UPB1: variants seen among roughly 807,000 people sequenced by gnomAD.
The protein encoded by UPB1 is beta-ureidopropionase.
A neutral mutation model predicts 49.1 loss-of-function variants in UPB1; 40 were observed. The observed-to-expected ratio is 0.81, with a 90% CI of 0.63 to 1.06. UPB1 has a LOEUF of 1.06. Among genes scored for constraint, UPB1 ranks in the 50% least tolerant of loss-of-function variants. The pLI is 0.00. For synonymous variants in UPB1, 207 were observed against 198.2 expected (o/e 1.04, Z -0.38); for missense variants, 499 against 505.9 (o/e 0.99, Z 0.13).
chr22:24,513,542 T>C, intron 5 of UPB1, 57 bp downstream of exon 5: 1 of 1,578,736 alleles, frequency 6.3e-7, no homozygotes, highest in Non-Finnish European at 8.6e-7. Context: ...CTGTATGTTG[T>C]AGATCTCTGT....
intron 2 of UPB1, 67 bp downstream of exon 2, chr22:24,500,345 C>A: frequency 1.2e-6 from 2 of 1,603,768 alleles, no homozygotes; most frequent in Admixed American, 1.7e-5. Flanking sequence ...AGCACACCTG[C>A]AGGCCCTGGC....
At chr22:24,525,638 G>A (rs1452724778) in intron 9 of UPB1, 73 bp from the exon 10 acceptor site, 1 of 1,581,490 alleles carries the variant, frequency 6.3e-7, no homozygotes, top group Non-Finnish European at 8.7e-7. Context: ...CCAGTGGCAA[G>A]AGGTGGTGGC....
intron 1 of UPB1, among the ~76,000 whole-genome samples, chr22:24,496,390 C>CAT (rs1057111477): frequency 7.2e-6 from 1 of 138,704 alleles, no homozygotes; most frequent in African/African-American, 3.0e-5. Flanking sequence ...CACACACACA[C>CAT]ACACACACAC....
In UPB1 at chr22:24,519,085, A is replaced by G. The variant is rs535964090; in HGVS notation, c.792-1302A>G. Among the ~76,000 whole-genome samples the G allele has an allele frequency of 3.7e-4, 57 of 152,338 alleles. 3 individuals carry two copies. In the South Asian group the frequency reaches 0.01, roughly 27 times the overall value. ...TATGGCAATCGCCCTGCAAGTGTCTATTTAATTCCTGAAAATGTCATTTAC... is the reference window on the plus strand; with the variant it reads ...TATGGCAATCGCCCTGCAAGTGTCTGTTTAATTCCTGAAAATGTCATTTAC... On this transcript the variant is annotated intron_variant, in intron 6 of 9. Transcript: ENST00000326010.
intron 4 of UPB1, among the ~76,000 whole-genome samples, chr22:24,511,612 A>ATTTTTTTTT (rs201206994): frequency 6.6e-5 from 6 of 90,690 alleles, no homozygotes; most frequent in South Asian, 3.4e-4. Flanking sequence ...ATATATATAT[A>ATTTTTTTTT]TATATATTTT....
In UPB1 at chr22:24,520,463, G is replaced by A; in HGVS notation, c.868G>A (p.Gly290Ser). 6.2e-7 allele frequency: 1 copy of A among 1,613,858 alleles called. No homozygotes were observed. The highest frequency in any genetic ancestry group is 8.5e-7 in the Non-Finnish European group (1 of 1,179,890). ...HCFTCAINRV[G>S]TEHFPNEFTS... ...CTTCACCTGCGCCATCAATCGAGTG[G>A]GCACCGTAAGTCCCGAGGTCTGGCT... The change falls in exon 7 of 10, where the codon GGC (glycine) becomes AGC (serine). Residue 290 changes from glycine to serine, a missense_variant. Gly to Ser is a moderately conservative substitution (Grantham distance 56). Coordinates refer to ENST00000326010, the MANE Select transcript of UPB1 (RefSeq NM_016327.3).
intron 3 of UPB1, among the ~76,000 whole-genome samples, chr22:24,507,666 G>A (rs886481523): frequency 5.3e-5 from 8 of 152,088 alleles, no homozygotes; most frequent in African/African-American, 1.9e-4. Context: ...CCGAAAAGGC[G>A]GCTTAAAGAG....
intron 4 of UPB1, among the ~76,000 whole-genome samples, chr22:24,512,806 G>T (rs1337112611): frequency 1.3e-5 from 2 of 152,120 alleles, no homozygotes; most frequent in African/African-American, 4.8e-5. Flanking sequence ...TTTGGGACTG[G>T]CTTATTTCAT....
In UPB1 at chr22:24,502,144, C is replaced by T. The variant is rs780958577; in HGVS notation, c.295C>T (p.Arg99Cys). 20 of 1,614,060 alleles carry T rather than the reference C, an allele frequency of 1.2e-5. No individual in the cohort carries two copies. Among genetic ancestry groups the T allele is most frequent in the Middle Eastern group, 1.6e-4 (1 of 6,084 alleles). Residue 99 changes from arginine (R) to cysteine (C), a missense_variant, in exon 3 of 10, where the codon CGC becomes TGC. By Grantham distance (180) the Arg-to-Cys change is radical. Coordinates refer to ENST00000326010, the MANE Select transcript of UPB1 (RefSeq NM_016327.3). ...VAEQVSALHR[R>C]IKAIVEVAAM... Reference sequence around the variant, plus strand: ...TTCTCAGGTCTCTGCCCTTCATAGACGCATAAAGGCTATCGTAGAGGTGGC... The same window carrying T: ...TTCTCAGGTCTCTGCCCTTCATAGATGCATAAAGGCTATCGTAGAGGTGGC...
At chr22:24,521,846 A>G (rs2044398776) in intron 7 of UPB1, 140 bp from the exon 8 acceptor site, 1 of 853,942 alleles carries the variant, frequency 1.2e-6, no homozygotes, top group African/African-American at 1.7e-5. Context: ...GTGAGTACAG[A>G]CCATTCCAGC....
rs140009404 is a variant in UPB1, at chr22:24,519,321, G to A, written c.792-1066G>A. On this transcript the variant is annotated intron_variant, in intron 6 of 9. Coordinates refer to ENST00000326010, the MANE Select transcript of UPB1 (RefSeq NM_016327.3). ...AAACCAGGTGCCTGCTGACACGAAG[G>A]AAGATTCCGGGGCATTTTGATCCTA... is the stretch of plus-strand genomic sequence containing the variant. Among the ~76,000 whole-genome samples the A allele has an allele frequency of 1.0e-3, 159 of 152,232 alleles. 1 individual carries two copies. In the East Asian group the frequency reaches 0.018, roughly 17 times the overall value.
chr22:24,511,305 C>G (rs2044197372), intron 4 of UPB1, among the ~76,000 whole-genome samples: 1 of 152,012 alleles, frequency 6.6e-6, no homozygotes, highest in East Asian at 1.9e-4. Context: ...TTGTATGATC[C>G]CATTTATATA....
intron 3 of UPB1, among the ~76,000 whole-genome samples, chr22:24,508,836 G>A (rs1601493205): frequency 6.6e-6 from 1 of 152,160 alleles, no homozygotes; most frequent in South Asian, 2.1e-4. Context: ...AGCCAAGATC[G>A]TGCCATTGCA....
chr22:24,502,800 A>C, intron 3 of UPB1: 1 of 454,010 alleles, frequency 2.2e-6, no homozygotes, highest in Non-Finnish European at 3.9e-6. Context: ...CCCCCTATGG[A>C]AGATGTCAGT....
chr22:24,506,219 C>T (rs571529163), intron 3 of UPB1, among the ~76,000 whole-genome samples: 1 of 151,956 alleles, frequency 6.6e-6, no homozygotes, highest in African/African-American at 2.4e-5. Context: ...CCAGGCTTCA[C>T]CATGTTGGCC....
At chr22:24,503,975 G>A (rs2044040012) in intron 3 of UPB1, among the ~76,000 whole-genome samples, 1 of 152,278 alleles carries the variant, frequency 6.6e-6, no homozygotes, top group Non-Finnish European at 1.5e-5. Flanking sequence ...GGGCCAGAGT[G>A]GTAGTCAGGC....
Position 24,525,856 on chromosome 22 carries a change from T to C in UPB1, c.*62T>C, listed in dbSNP as rs1425279209. 2.5e-6 allele frequency: 4 copies of C among 1,597,342 alleles called. No homozygotes were observed. The highest frequency in any genetic ancestry group is 2.6e-6 in the Non-Finnish European group (3 of 1,165,334). On this transcript the variant is annotated 3_prime_UTR_variant, in exon 10 of 10. Coordinates refer to ENST00000326010, the MANE Select transcript of UPB1 (RefSeq NM_016327.3). The stretch of plus-strand genomic sequence containing the variant: ...CTCTGCCCCAGTGGATTAGCAAGTG[T>C]GGCAGGCTTAACATGTCCAGGTTCT...
Position 24,510,832 on chromosome 22 carries a change from T to C in UPB1, c.448T>C (p.Phe150Leu). ...ESAEDGPTTR[F>L]CQKLAKNHDM... ...AGCAGAGGATGGGCCCACCACCAGATTCTGTCAGAAGGTAGGACATTAACG... is the reference window on the plus strand; with the variant it reads ...AGCAGAGGATGGGCCCACCACCAGACTCTGTCAGAAGGTAGGACATTAACG... The change falls in exon 4 of 10, where the codon TTC becomes CTC. Residue 150 changes from phenylalanine to leucine, a missense_variant. Physicochemically the swap from Phe to Leu is conservative, Grantham distance 22 (BLOSUM62 0). Coordinates refer to ENST00000326010, the MANE Select transcript of UPB1 (RefSeq NM_016327.3). 6.2e-7 allele frequency: 1 copy of C among 1,614,206 alleles called. No homozygotes were observed. Among genetic ancestry groups the C allele is most frequent in the South Asian group, 1.1e-5 (1 of 91,082 alleles).
chr22:24,507,435 G>T (rs552634053), intron 3 of UPB1, among the ~76,000 whole-genome samples: 1 of 152,064 alleles, frequency 6.6e-6, no homozygotes, highest in Non-Finnish European at 1.5e-5. Flanking sequence ...TCCTGGGACC[G>T]GAAGGAATTG....
Sources: gnomAD v4.1 joint callset for allele counts (sites outside exome capture counted in the v4.1 genomes callset) on GRCh38, gnomAD v4.1.1 for gene constraint, MANE v1.5 for transcripts, NCBI Gene and HGNC (gene_info 2026-07-23, HGNC 2026-07-21) for gene names.